Variants in NFE2L2 observed in about 807,000 individuals in gnomAD.
NFE2L2 encodes the protein nuclear factor erythroid 2-related factor 2.
In NFE2L2, 20 loss-of-function variants were observed where a neutral mutation model predicts 49.6. The ratio of observed to expected loss-of-function variants is 0.40; its 90% CI spans 0.28 to 0.59. The LOEUF (loss-of-function observed/expected upper bound fraction) is 0.59, where lower values mean the gene tolerates loss of function less well. Among genes scored for constraint, NFE2L2 ranks in the 20% least tolerant of loss-of-function variants. NFE2L2 has a pLI of 0.40. For synonymous variants in NFE2L2, 244 were observed against 256.5 expected, an observed-to-expected ratio of 0.95 and a Z score of 0.47; for missense variants, 578 against 714.2, an observed-to-expected ratio of 0.81 and a Z score of 2.17.
At chr2:177,250,441 A>G (rs1254989326) in intron 1 of NFE2L2, among the ~76,000 whole-genome samples, 1 of 152,240 alleles carries the variant, frequency 6.6e-6, no homozygotes, top group Non-Finnish European at 1.5e-5. Context: ...TTCTAAGCCC[A>G]GATAAAGACA....
At position 177,264,680 on chromosome 2, in the gene NFE2L2, T is replaced by TGGCGGCTGCGTC. The variant is rs1296773844; in HGVS notation, c.-116_-105dup. The TGGCGGCTGCGTC allele has an allele frequency of 1.6e-5, 15 of 912,966 alleles. No individual in the cohort carries two copies. Among genetic ancestry groups the TGGCGGCTGCGTC allele is most frequent in the Non-Finnish European group, 2.2e-5 (15 of 680,852 alleles). 56.6% of individuals were successfully genotyped at this position (912,966 alleles called of 1,614,324 possible). A position where few individuals can be genotyped will look rare whatever the true frequency, so the allele number is the denominator to read the frequency against. The stretch of plus-strand genomic sequence containing the variant: ...GCTCTGGTGGCGGCGGCGGCGGCGG[T>TGGCGGCTGCGTC]GGCGGCTGCGTCGGCGGCTCCTCCG... On this transcript the variant is annotated 5_prime_UTR_variant, in exon 1 of 5. Coordinates refer to ENST00000397062, the MANE Select transcript of NFE2L2 (RefSeq NM_006164.5).
Position 177,234,129 on chromosome 2 carries a change from T to TG in NFE2L2, c.187dup (p.Gln63ProfsTer16). ...GAAAAAGGCTTTCTCTTGCTCCTTT[T>TG]GGAGTTGTTCTTGTCTTTCCTTTTC... is the stretch of plus-strand genomic sequence containing the variant. On this transcript the variant is annotated frameshift_variant, in exon 2 of 5. Coordinates refer to ENST00000397062, the MANE Select transcript of NFE2L2 (RefSeq NM_006164.5). LOFTEE classifies it high-confidence loss of function. The TG allele has an allele frequency of 6.2e-7, 1 of 1,614,226 alleles. No homozygotes were observed. Among genetic ancestry groups the TG allele is most frequent in the Non-Finnish European group, 8.5e-7 (1 of 1,180,032 alleles).
chr2:177,232,583 C>G lies in NFE2L2; in HGVS notation c.403G>C (p.Val135Leu). The change falls in exon 4 of 5, where the codon GTT becomes CTT. Residue 135 changes from valine (V) to leucine (L), a missense_variant and splice_region_variant. By Grantham distance (32) the Val-to-Leu change is conservative (BLOSUM62 1). Transcript: ENST00000397062. ...AGTGACTGAAACGTAGCCGAAGAAA[C>G]CTAAAATTGATAAGGCATTGATTTA... Reference protein sequence around the residue: ...QTFPFVDDNEVSSATFQSLVP... With the variant: ...QTFPFVDDNELSSATFQSLVP... The G allele has an allele frequency of 6.2e-7, 1 of 1,613,486 alleles. No individual in the cohort carries two copies. Among genetic ancestry groups the G allele is most frequent in the Non-Finnish European group, 8.5e-7 (1 of 1,179,546 alleles).
At chr2:177,250,685 C>G (rs1690304924) in intron 1 of NFE2L2, among the ~76,000 whole-genome samples, 1 of 152,220 alleles carries the variant, frequency 6.6e-6, no homozygotes, top group South Asian at 2.1e-4. Flanking sequence ...CAGTGAGATC[C>G]AACTCAGGTT....
Position 177,264,655 on chromosome 2 carries a change from G to A in NFE2L2, c.-79C>T, listed in dbSNP as rs1690871708. 8.5e-6 allele frequency: 11 copies of A among 1,291,946 alleles called. No homozygotes were observed. The highest frequency in any genetic ancestry group is 1.1e-5 in the Non-Finnish European group (11 of 1,009,982). 80.0% of individuals were successfully genotyped at this position (1,291,946 alleles called of 1,614,324 possible). ...GCCGAGGCGCGGCGCGGACAGGGCG[G>A]CTCTGGTGGCGGCGGCGGCGGCGGT... On this transcript the variant is annotated 5_prime_UTR_variant, in exon 1 of 5. Coordinates refer to ENST00000397062, the MANE Select transcript of NFE2L2 (RefSeq NM_006164.5).
At chr2:177,238,356 A>G (rs1335126232) in intron 1 of NFE2L2, among the ~76,000 whole-genome samples, 2 of 152,250 alleles carry the variant, frequency 1.3e-5, no homozygotes, top group African/African-American at 4.8e-5. Context: ...AATGGAATTT[A>G]TAATTGTCAG....
At chr2:177,263,487 C>G (rs1458878222) in intron 1 of NFE2L2, 1 of 985,440 alleles carries the variant, frequency 1.0e-6, no homozygotes. Flanking sequence ...CAAAGCCGCT[C>G]TGGGGAAAAT....
chr2:177,259,408 A>G (rs1391649568), intron 1 of NFE2L2, among the ~76,000 whole-genome samples: 3 of 152,202 alleles, frequency 2.0e-5, no homozygotes, highest in African/African-American at 7.2e-5. Context: ...CAAATACACA[A>G]AAAGACTTTT....
intron 1 of NFE2L2, among the ~76,000 whole-genome samples, chr2:177,249,017 A>G (rs935363923): frequency 4.6e-5 from 7 of 151,812 alleles, no homozygotes; most frequent in Non-Finnish European, 1.0e-4. Context: ...AGGAGTTTTG[A>G]TATCAGCCTG....
intron 1 of NFE2L2, chr2:177,255,800 A>T (rs979950070): frequency 9.9e-5 from 15 of 151,934 alleles, no homozygotes; most frequent in African/African-American, 3.6e-4. Context: ...GTCTCTAGTG[A>T]TCCTCCCACC....
intron 1 of NFE2L2, chr2:177,263,498 A>G: frequency 8.1e-6 from 8 of 985,530 alleles, no homozygotes; most frequent in Non-Finnish European, 8.4e-6. Flanking sequence ...TGGGGAAAAT[A>G]GCAATTGCGC....
At position 177,230,618 on chromosome 2, in the gene NFE2L2, A is replaced by G. The variant is rs1689505079; in HGVS notation, c.*167T>C. 1.1e-5 allele frequency: 8 copies of G among 698,874 alleles called. No individual in the cohort carries two copies. In the South Asian group the frequency reaches 2.3e-4, roughly 20 times the overall value. 43.3% of individuals were successfully genotyped at this position (698,874 alleles called of 1,614,324 possible). A position where few individuals can be genotyped will look rare whatever the true frequency, so the allele number is the denominator to read the frequency against. On this transcript the variant is annotated 3_prime_UTR_variant, in exon 5 of 5. Coordinates refer to ENST00000397062, the MANE Select transcript of NFE2L2 (RefSeq NM_006164.5). ...TAAAGTGAAACTACTGATTCAACAT[A>G]CTGACACTCCAATGCTTTTTAAAGT... is the stretch of plus-strand genomic sequence containing the variant.
intron 1 of NFE2L2, among the ~76,000 whole-genome samples, chr2:177,262,267 G>A (rs2105499068): frequency 6.6e-6 from 1 of 152,184 alleles, no homozygotes; most frequent in East Asian, 1.9e-4. Flanking sequence ...AATCTCATCG[G>A]TCTATTTCAA....
chr2:177,251,420 G>A (rs1239964114), intron 1 of NFE2L2, among the ~76,000 whole-genome samples: 2 of 152,170 alleles, frequency 1.3e-5, no homozygotes, highest in Non-Finnish European at 2.9e-5. Flanking sequence ...AAGAAATGCT[G>A]CCACAAGTGA....
intron 1 of NFE2L2, among the ~76,000 whole-genome samples, chr2:177,236,066 G>A (rs1436780035): frequency 6.6e-6 from 1 of 152,268 alleles, no homozygotes; most frequent in Non-Finnish European, 1.5e-5. Context: ...GTTGGGACTT[G>A]AAGGCCAGTG....
chr2:177,264,479 TC>T, intron 1 of NFE2L2, 52 bp downstream of exon 1: 2 of 1,501,578 alleles, frequency 1.3e-6, no homozygotes, highest in Non-Finnish European at 1.8e-6. Flanking sequence ...GTTCCCTAGC[TC>T]CCCCGCCCCC....
chr2:177,259,598 T>A (rs1690652874), intron 1 of NFE2L2, among the ~76,000 whole-genome samples: 1 of 152,134 alleles, frequency 6.6e-6, no homozygotes, highest in Non-Finnish European at 1.5e-5. Context: ...GGATTTTGTT[T>A]AACAGTCTTG....
chr2:177,237,413 G>A (rs984543315), intron 1 of NFE2L2, among the ~76,000 whole-genome samples: 1 of 152,206 alleles, frequency 6.6e-6, no homozygotes, highest in Non-Finnish European at 1.5e-5. Flanking sequence ...AAATAGGTAT[G>A]AGAATAATTT....
chr2:177,237,310 C>G (rs1435193254), intron 1 of NFE2L2, among the ~76,000 whole-genome samples: 1 of 152,192 alleles, frequency 6.6e-6, no homozygotes, highest in Non-Finnish European at 1.5e-5. Context: ...TGTAGGTCAC[C>G]TAGATCAGTT....
Sources: allele counts gnomAD v4.1 joint callset (sites outside exome capture counted in the v4.1 genomes callset), GRCh38; gene constraint gnomAD v4.1.1; transcripts MANE v1.5; gene names NCBI Gene and HGNC (gene_info 2026-07-23, HGNC 2026-07-21).